The following SBF2 variants were observed in gnomAD, a reference collection of about 807,000 sequenced individuals.
The protein encoded by SBF2 is myotubularin-related protein 13.
SBF2 carries 112 observed loss-of-function variants against 225.2 expected under a neutral mutation model. That is an observed-to-expected ratio of 0.50 (90% CI 0.43 to 0.58). SBF2 has a LOEUF of 0.58. SBF2 is among the 20% of genes least tolerant of loss of function. SBF2 has a pLI of 0.00. For synonymous variants in SBF2, 763 were observed against 773.3 expected, an observed-to-expected ratio of 0.99 and a Z score of 0.22; for missense variants, 1,996 against 2,206.2, an observed-to-expected ratio of 0.90 and a Z score of 1.91.
chr11:10,057,856 G>C (rs146971877), intron 2 of SBF2, among the ~76,000 whole-genome samples: 230 of 152,200 alleles, frequency 1.5e-3, no homozygotes, highest in African/African-American at 4.8e-3. Flanking sequence ...ATAAGCCTAA[G>C]TGTCACCTGC....
chr11:9,781,369 T>C (rs2133841322), intron 39 of SBF2, 138 bp downstream of exon 39: 2 of 1,131,904 alleles, frequency 1.8e-6, no homozygotes, highest in East Asian at 4.7e-5. Flanking sequence ...GTTCAAGCTC[T>C]GGAACAATTC....
intron 13 of SBF2, among the ~76,000 whole-genome samples, chr11:9,983,384 C>G (rs1947045275): frequency 6.6e-6 from 1 of 152,152 alleles, no homozygotes; most frequent in Non-Finnish European, 1.5e-5. Context: ...CTCCAGTGAG[C>G]TGGGAATCTC....
At chr11:10,037,698 A>C (rs139456881) in intron 3 of SBF2, among the ~76,000 whole-genome samples, 35 of 151,698 alleles carry the variant, frequency 2.3e-4, no homozygotes, top group Non-Finnish European at 4.0e-4. Flanking sequence ...CTGTTCTCTC[A>C]AATTTTTTCC....
chr11:10,176,943 T>A (rs1459422482), intron 2 of SBF2, among the ~76,000 whole-genome samples: 1 of 152,074 alleles, frequency 6.6e-6, no homozygotes, highest in East Asian at 1.9e-4. Context: ...AAATCCTCAA[T>A]AAAATACTGG....
intron 16 of SBF2, among the ~76,000 whole-genome samples, chr11:9,903,146 C>A (rs929928665): frequency 5.3e-5 from 8 of 151,862 alleles, no homozygotes; most frequent in African/African-American, 1.9e-4. Context: ...ACAGTGAAAC[C>A]CCGTCTCTAC....
At chr11:10,071,265 C>CTCTCTCTCTTT (rs1565196407) in intron 2 of SBF2, among the ~76,000 whole-genome samples, 1 of 103,070 alleles carries the variant, frequency 9.7e-6, no homozygotes, top group African/African-American at 3.6e-5. Flanking sequence ...CTCTCTCTCT[C>CTCTCTCTCTTT]TTTTTTTTTT....
At chr11:10,236,482 C>T (rs560893223) in intron 1 of SBF2, among the ~76,000 whole-genome samples, 44 of 152,054 alleles carry the variant, frequency 2.9e-4, no homozygotes, top group Admixed American at 7.2e-4. Context: ...TTTTTTGAGA[C>T]GGAGTCTCAC....
chr11:10,277,252 T>C (rs200024404), intron 1 of SBF2, among the ~76,000 whole-genome samples: 8 of 151,526 alleles, frequency 5.3e-5, no homozygotes, highest in African/African-American at 1.9e-4. Context: ...ACTCTGTCTC[T>C]AAACAAACAA....
chr11:9,816,811 G>C, intron 29 of SBF2, 29 bp downstream of exon 29: 1 of 1,609,496 alleles, frequency 6.2e-7, no homozygotes, highest in African/African-American at 1.3e-5. Context: ...TATCCATAAA[G>C]TTTCTAAGTG....
chr11:9,926,387 A>G (rs1280341891), intron 16 of SBF2, among the ~76,000 whole-genome samples: 1 of 152,096 alleles, frequency 6.6e-6, no homozygotes, highest in Admixed American at 6.6e-5. Flanking sequence ...TTAAGTAGGG[A>G]AAAAGCAAAA....
intron 32 of SBF2, 86 bp downstream of exon 32, chr11:9,807,914 C>G (rs539103412): frequency 1.2e-5 from 14 of 1,186,450 alleles, no homozygotes; most frequent in Non-Finnish European, 1.7e-5. Flanking sequence ...AGGAAGGTAC[C>G]GGGCACACCA....
At chr11:9,947,442 C>A (rs1056355101) in intron 16 of SBF2, among the ~76,000 whole-genome samples, 1 of 152,194 alleles carries the variant, frequency 6.6e-6, no homozygotes, top group Non-Finnish European at 1.5e-5. Context: ...ACAAGACACA[C>A]TGAGTTCACA....
rs542454582 is a variant in SBF2 at position 9,804,604 on chromosome 11, C to G, written c.4443+3396G>C. ...TTATGCCCTTTGCATGATGATTGAT[C>G]CCCTCCCTTGGTCACTGGTCCCAGG... On this transcript the variant is annotated intron_variant, in intron 32 of 39. Coordinates refer to ENST00000256190, the MANE Select transcript of SBF2 (RefSeq NM_030962.4). 3.9e-5 allele frequency among the ~76,000 whole-genome samples: 6 copies of G among 152,264 alleles called. 1 individual carries two copies. The South Asian group carries it at 1.2e-3, about 32-fold the overall frequency.
rs878855130 is a variant in SBF2, at chr11:10,193,907, C to G, written c.136G>C (p.Glu46Gln). 2.4e-5 allele frequency: 38 copies of G among 1,608,496 alleles called. No homozygotes were observed. The highest frequency in any genetic ancestry group is 3.1e-5 in the Non-Finnish European group (37 of 1,175,120). The change falls in exon 2 of 40, where the codon GAG becomes CAG. Residue 46 changes from glutamate to glutamine, a missense_variant. Glu to Gln is a conservative substitution (Grantham distance 29). Transcript: ENST00000256190. ...WDDTPFPQGIELFCQPGGWQL... is the reference protein window; with the variant it reads ...WDDTPFPQGIQLFCQPGGWQL... The stretch of plus-strand genomic sequence containing the variant: ...ATAATACAACAACCACTTACCAACT[C>G]AATTCCCTGTGGAAAAGGTGTATCA...
chr11:9,830,897 A>C (rs1373056463), intron 27 of SBF2, among the ~76,000 whole-genome samples: 1 of 152,198 alleles, frequency 6.6e-6, no homozygotes, highest in African/African-American at 2.4e-5. Context: ...AATAAGTTTC[A>C]ATTGTTTTCC....
chr11:10,078,527 G>A (rs1002283711), intron 2 of SBF2, among the ~76,000 whole-genome samples: 3 of 151,966 alleles, frequency 2.0e-5, no homozygotes, highest in African/African-American at 4.8e-5. Context: ...AGTAACACAA[G>A]GACAGAAAAC....
At chr11:9,881,037 AG>A (rs1439865568) in intron 17 of SBF2, among the ~76,000 whole-genome samples, 1 of 152,208 alleles carries the variant, frequency 6.6e-6, no homozygotes, top group East Asian at 1.9e-4. Context: ...AAAGATCTGG[AG>A]TCAATGGTGG....
At chr11:9,833,624 G>A (rs1034774327) in intron 26 of SBF2, among the ~76,000 whole-genome samples, 4 of 151,962 alleles carry the variant, frequency 2.6e-5, no homozygotes, top group Middle Eastern at 3.4e-3. Context: ...GTTTCACCGT[G>A]TTAGCCAGGA....
chr11:9,785,144 A>G lies in SBF2; in HGVS notation c.5212T>C (p.Ser1738Pro), dbSNP rs1852285853. The G allele has an allele frequency of 1.2e-6, 2 of 1,613,042 alleles. No individual in the cohort carries two copies. Among genetic ancestry groups the G allele is most frequent in the Non-Finnish European group, 1.7e-6 (2 of 1,179,990 alleles). ...TGTCACCTGTTTTCATCATTCTTGG[A>G]TGTATACTGGCTATAGAGCGTGGCT... ...RAATLYSQYT[S>P]KNDENRSFEG... is the part of the protein sequence containing the mutation. Residue 1738 changes from serine (S) to proline (P), a missense_variant, in exon 37 of 40, where the codon TCC (serine) becomes CCC (proline). By Grantham distance (74) the Ser-to-Pro change is moderately conservative (BLOSUM62 -1). Transcript: ENST00000256190.
Sources: allele counts gnomAD v4.1 joint callset (sites outside exome capture counted in the v4.1 genomes callset), GRCh38; gene constraint gnomAD v4.1.1; transcripts MANE v1.5; gene names NCBI Gene and HGNC (gene_info 2026-07-23, HGNC 2026-07-21).